Variants in FOXP2 observed in about 807,000 individuals in gnomAD.
The protein encoded by FOXP2 is forkhead box protein P2.
FOXP2 carries 12 observed loss-of-function variants against 115.8 expected under a neutral mutation model. The ratio of observed to expected loss-of-function variants is 0.10; its 90% CI spans 0.07 to 0.17. FOXP2 has a LOEUF of 0.17. Among genes scored for constraint, FOXP2 ranks in the 10% least tolerant of loss-of-function variants. The pLI is 1.00. For synonymous variants in FOXP2, 328 were observed against 297.7 expected (o/e 1.10, Z -1.05); for missense variants, 629 against 843.5 (o/e 0.75, Z 3.15).
chr7:114,295,897 C>T (rs532388881), intron 2 of FOXP2, among the ~76,000 whole-genome samples: 1 of 152,152 alleles, frequency 6.6e-6, no homozygotes, highest in Non-Finnish European at 1.5e-5. Context: ...AGATTGACTC[C>T]TTTGCCTGAA....
chr7:114,438,293 C>T (rs1794441662), intron 2 of FOXP2, among the ~76,000 whole-genome samples: 1 of 151,932 alleles, frequency 6.6e-6, no homozygotes, highest in South Asian at 2.1e-4. Flanking sequence ...AGAAATAGAC[C>T]CCAATTCAAG....
rs140004462 is a variant in FOXP2, at chr7:114,181,719, A to T, written c.-102+18631A>T. Among the ~76,000 whole-genome samples the T allele has an allele frequency of 2.0e-3, 312 of 152,204 alleles. 3 individuals are homozygous for T. The highest frequency in any genetic ancestry group is 7.1e-3 in the African/African-American group (297 of 41,552). On this transcript the variant is annotated intron_variant, in intron 1 of 17. Transcript: ENST00000634411. ...GTTTGATACAGTCATTGTTTAATAA[A>T]CACTTATTAAATCAGTGGGTCAATA...
chr7:114,119,806 G>A (rs774866215), intron 1 of FOXP2, among the ~76,000 whole-genome samples: 4 of 151,822 alleles, frequency 2.6e-5, no homozygotes, highest in Non-Finnish European at 4.4e-5. Context: ...CATCTTTATC[G>A]GAGCTTTTAA....
rs1584995352 is a variant in FOXP2, at chr7:114,652,379, A to G, written c.1182+89A>G. 1.6e-5 allele frequency: 18 copies of G among 1,139,968 alleles called. No individual in the cohort carries two copies. The East Asian group carries it at 3.5e-4, about 22-fold the overall frequency. The allele number at this position is 1,139,968 out of a possible 1,614,324, so 70.6% of individuals were successfully genotyped here. A position where few individuals can be genotyped will look rare whatever the true frequency, so the allele number is the denominator to read the frequency against. On this transcript the variant is annotated intron_variant, in intron 9 of 16. Coordinates refer to ENST00000350908, the MANE Select transcript of FOXP2 (RefSeq NM_014491.4). Reference sequence around the variant, plus strand: ...GCAGATTCTGGGTCTTTCAGCCTGCATTTTACTGTCTTAGCCATTCAATAC... The same window carrying G: ...GCAGATTCTGGGTCTTTCAGCCTGCGTTTTACTGTCTTAGCCATTCAATAC...
chr7:114,215,805 A>G (rs1361533187), intron 1 of FOXP2, among the ~76,000 whole-genome samples: 1 of 152,178 alleles, frequency 6.6e-6, no homozygotes, highest in Non-Finnish European at 1.5e-5. Flanking sequence ...TTATCAGACC[A>G]CTCTGATAAA....
At chr7:114,095,557 A>G (rs1485395219) in intron 1 of FOXP2, among the ~76,000 whole-genome samples, 1 of 152,288 alleles carries the variant, frequency 6.6e-6, no homozygotes, top group African/African-American at 2.4e-5. Flanking sequence ...TAATGGTAAG[A>G]CAATGAGAGA....
At position 114,281,076 on chromosome 7, in the gene FOXP2, G is replaced by A. The variant is rs913148251; in HGVS notation, c.-101-6943G>A. Among the ~76,000 whole-genome samples, 789 of 150,260 alleles carry A rather than the reference G, an allele frequency of 5.3e-3. 9 individuals carry two copies. The highest frequency in any genetic ancestry group is 0.018 in the African/African-American group (756 of 40,976). ...AATTGCAATGACTGAAGGTGAGAAA[G>A]GCTTTTTATGCAATTTGAATTTTTT... is the stretch of plus-strand genomic sequence containing the variant. On this transcript the variant is annotated intron_variant, in intron 1 of 17. Coordinates refer to the FOXP2 transcript ENST00000634411.
At chr7:114,627,280 T>A (rs888462909) in intron 3 of FOXP2, among the ~76,000 whole-genome samples, 1 of 152,042 alleles carries the variant, frequency 6.6e-6, no homozygotes, top group African/African-American at 2.4e-5. Context: ...CCGTATCTTT[T>A]AATCTTTTTT....
intron 2 of FOXP2, among the ~76,000 whole-genome samples, chr7:114,475,111 A>G (rs1423721027): frequency 1.3e-5 from 2 of 152,142 alleles, no homozygotes; most frequent in Non-Finnish European, 2.9e-5. Context: ...AAATACTTAC[A>G]GAGTACTAGA....
intron 2 of FOXP2, among the ~76,000 whole-genome samples, chr7:114,440,579 C>A (rs1262221971): frequency 6.6e-6 from 1 of 152,090 alleles, no homozygotes; most frequent in South Asian, 2.1e-4. Context: ...CAGAAAATGA[C>A]CCTCTTCAAT....
At chr7:114,671,908 A>T (rs1268201800) in intron 16 of FOXP2, among the ~76,000 whole-genome samples, 1 of 152,216 alleles carries the variant, frequency 6.6e-6, no homozygotes, top group East Asian at 1.9e-4. Flanking sequence ...CTGCTCTGGC[A>T]GAATTTAACA....
chr7:114,392,453 C>T (rs1384497538), intron 2 of FOXP2, among the ~76,000 whole-genome samples: 1 of 152,146 alleles, frequency 6.6e-6, no homozygotes, highest in Non-Finnish European at 1.5e-5. Context: ...GATGGGTTAG[C>T]TAGGTTTAAA....
intron 2 of FOXP2, among the ~76,000 whole-genome samples, chr7:114,288,506 A>G (rs1796516767): frequency 2.0e-5 from 3 of 151,722 alleles, no homozygotes. Flanking sequence ...TTTGGTATTG[A>G]AGTTTTGGGG....
At chr7:114,497,665 G>A (rs7810592) in intron 2 of FOXP2, among the ~76,000 whole-genome samples, 14 of 145,616 alleles carry the variant, frequency 9.6e-5, no homozygotes, top group South Asian at 2.2e-4. Flanking sequence ...AAATAAATAA[G>A]TAAATAAATA....
chr7:114,201,678 C>T (rs1335621397), intron 1 of FOXP2, among the ~76,000 whole-genome samples: 9 of 152,084 alleles, frequency 5.9e-5, no homozygotes, highest in Non-Finnish European at 8.8e-5. Flanking sequence ...CCAAATCATA[C>T]GCTTGATAAT....
At position 114,691,511 on chromosome 7, in the gene FOXP2, T is replaced by C. The variant is rs1808664980; in HGVS notation, c.*1585T>C. 2.2e-6 allele frequency: 1 copy of C among 454,028 alleles called. No homozygotes were observed. The highest frequency in any genetic ancestry group is 4.4e-6 in the Non-Finnish European group (1 of 226,764). The allele number at this position is 454,028 out of a possible 1,614,324, so 28.1% of individuals were successfully genotyped here. Reference sequence around the variant, plus strand: ...ACTTGCACAGGCCAAATTGTTGGAATGCTGGTTTTCTTGACAATTCCAAAC... The same window carrying C: ...ACTTGCACAGGCCAAATTGTTGGAACGCTGGTTTTCTTGACAATTCCAAAC... On this transcript the variant is annotated 3_prime_UTR_variant, in exon 17 of 17. Coordinates refer to ENST00000350908, the MANE Select transcript of FOXP2 (RefSeq NM_014491.4).
chr7:114,642,800 A>T lies in FOXP2; in HGVS notation c.989+177A>T, dbSNP rs201038795. Reference sequence around the variant, plus strand: ...ATATAATATATATATATATATATATATATATATATATATTTTTTTTTTTTT... The same window carrying T: ...ATATAATATATATATATATATATATTTATATATATATATTTTTTTTTTTTT... On this transcript the variant is annotated intron_variant, in intron 7 of 16. Transcript: ENST00000350908. 6.8e-4 allele frequency among the ~76,000 whole-genome samples: 21 copies of T among 30,714 alleles called. 6 individuals carry two copies. In the East Asian group the frequency reaches 0.034, roughly 50 times the overall value. The allele number at this position is 30,714 out of a possible 152,430, so 20.1% of individuals were successfully genotyped here.
chr7:114,476,881 T>A (rs375015702), intron 2 of FOXP2, among the ~76,000 whole-genome samples: 1 of 152,064 alleles, frequency 6.6e-6, no homozygotes, highest in Admixed American at 6.6e-5. Flanking sequence ...CTACTGTAAA[T>A]GGCCAAATAA....
At chr7:114,268,805 T>C (rs989954599) in intron 1 of FOXP2, among the ~76,000 whole-genome samples, 17 of 152,130 alleles carry the variant, frequency 1.1e-4, no homozygotes, top group African/African-American at 4.1e-4. Context: ...ATTAGAGGCA[T>C]GAAAAAGAAA....
Sources: gnomAD v4.1 joint callset for allele counts (sites outside exome capture counted in the v4.1 genomes callset) on GRCh38, gnomAD v4.1.1 for gene constraint, MANE v1.5 for transcripts, NCBI Gene and HGNC (gene_info 2026-07-23, HGNC 2026-07-21) for gene names.